MAF: variants seen among roughly 807,000 people sequenced by gnomAD.
MAF encodes the protein transcription factor Maf.
MAF carries 10 observed loss-of-function variants against 22.0 expected under a neutral mutation model. The ratio of observed to expected loss-of-function variants is 0.45; its 90% CI spans 0.28 to 0.77. MAF has a LOEUF of 0.77. Among genes scored for constraint, MAF ranks in the 30% least tolerant of loss-of-function variants. MAF has a pLI of 0.12. For missense variants in MAF, 544 were observed against 548.4 expected (o/e 0.99, Z 0.08); for synonymous variants, 337 against 255.8 (o/e 1.32, Z -3.03).
At chr16:79,448,106 G>C in the MAF span, among the ~76,000 whole-genome samples, 7 of 152,146 alleles carry the variant, frequency 4.6e-5, no homozygotes, top group African/African-American at 1.7e-4. Context: ...AGCAGCAGCA[G>C]CGTTTGAGAG....
the MAF span, among the ~76,000 whole-genome samples, chr16:79,523,984 G>T: frequency 1.3e-5 from 2 of 152,266 alleles, no homozygotes; most frequent in African/African-American, 4.8e-5. Flanking sequence ...TCATCGGCAT[G>T]AAATTACCCC....
At chr16:79,586,028 ACTAT>A (rs1912817171) in intron 1 of MAF, 10 of 594,002 alleles carry the variant, frequency 1.7e-5, no homozygotes, top group East Asian at 8.9e-5. Flanking sequence ...AGGCAGCCTA[ACTAT>A]CTATCAAAAG....
the MAF span, among the ~76,000 whole-genome samples, chr16:79,300,352 C>G: frequency 6.6e-6 from 1 of 152,042 alleles, no homozygotes; most frequent in African/African-American, 2.4e-5. Flanking sequence ...GTCAGGAGTT[C>G]GAGACCAGCC....
At chr16:79,568,084 G>A in the MAF span, among the ~76,000 whole-genome samples, 1 of 152,180 alleles carries the variant, frequency 6.6e-6, no homozygotes, top group Non-Finnish European at 1.5e-5. Flanking sequence ...CAGTAAAGAG[G>A]ACAATATGTT....
At chr16:79,526,504 G>A in the MAF span, among the ~76,000 whole-genome samples, 2 of 152,158 alleles carry the variant, frequency 1.3e-5, no homozygotes, top group Non-Finnish European at 2.9e-5. Flanking sequence ...GTGGCTGGGG[G>A]TTAGGGACCA....
chr16:79,253,796 C>A, the MAF span, among the ~76,000 whole-genome samples: 6 of 152,012 alleles, frequency 3.9e-5, no homozygotes, highest in African/African-American at 1.2e-4. Context: ...GGCTATCACA[C>A]CTCCTGTTCT....
At chr16:79,320,119 A>C in the MAF span, among the ~76,000 whole-genome samples, 2 of 152,164 alleles carry the variant, frequency 1.3e-5, no homozygotes, top group Non-Finnish European at 2.9e-5. Context: ...GTGGAGTATC[A>C]GGGAAGGCAG....
At chr16:79,568,815 C>A in the MAF span, among the ~76,000 whole-genome samples, 2 of 152,292 alleles carry the variant, frequency 1.3e-5, no homozygotes, top group East Asian at 3.9e-4. Flanking sequence ...AAACATCTAA[C>A]AGAAATGGCA....
At chr16:79,240,475 C>G in the MAF span, among the ~76,000 whole-genome samples, 5 of 102,688 alleles carry the variant, frequency 4.9e-5, no homozygotes, top group Admixed American at 4.5e-4. Context: ...CATTTGCCAA[C>G]AAGCATCTCT....
the MAF span, among the ~76,000 whole-genome samples, chr16:79,294,549 A>G: frequency 6.6e-6 from 1 of 152,196 alleles, no homozygotes; most frequent in Non-Finnish European, 1.5e-5. Flanking sequence ...TTGTTACCGT[A>G]TTGTAATCCC....
the MAF span, among the ~76,000 whole-genome samples, chr16:79,509,125 C>T: frequency 6.6e-6 from 1 of 152,332 alleles, no homozygotes; most frequent in African/African-American, 2.4e-5. Context: ...CCTGGACACA[C>T]GTAGGTTGCA....
chr16:79,329,705 C>G, the MAF span, among the ~76,000 whole-genome samples: 17 of 152,264 alleles, frequency 1.1e-4, no homozygotes, highest in East Asian at 2.9e-3. Flanking sequence ...TGTTCATCTT[C>G]TGTAAAGTGA....
At chr16:79,597,008 C>T (rs1452954122) in intron 1 of MAF, 1 of 1,053,976 alleles carries the variant, frequency 9.5e-7, no homozygotes, top group Non-Finnish European at 1.1e-6. Context: ...CAGATATAAA[C>T]AGGGGCGTTT....
the MAF span, among the ~76,000 whole-genome samples, chr16:79,576,571 G>T: frequency 6.6e-6 from 1 of 151,804 alleles, no homozygotes; most frequent in Non-Finnish European, 1.5e-5. Context: ...TCAGAGGAGG[G>T]CAGCTATAAA....
the MAF span, among the ~76,000 whole-genome samples, chr16:79,530,349 C>T: frequency 3.8e-3 from 581 of 152,268 alleles, 3 homozygotes; most frequent in African/African-American, 0.013. Context: ...TGTCCCAACA[C>T]ATCAGGGTCC....
At chr16:79,345,204 T>C in the MAF span, among the ~76,000 whole-genome samples, 10 of 136,568 alleles carry the variant, frequency 7.3e-5, no homozygotes, top group Non-Finnish European at 1.3e-4. Flanking sequence ...CAGTACATTA[T>C]ATATTACTTG....
the MAF span, among the ~76,000 whole-genome samples, chr16:79,567,778 G>C: frequency 6.6e-6 from 1 of 152,168 alleles, no homozygotes; most frequent in Non-Finnish European, 1.5e-5. Context: ...CCTATGTCTA[G>C]GGAGATGTGT....
At chr16:79,305,453 A>T in the MAF span, among the ~76,000 whole-genome samples, 1 of 151,846 alleles carries the variant, frequency 6.6e-6, no homozygotes, top group Non-Finnish European at 1.5e-5. Flanking sequence ...GCTTGTGGGG[A>T]GTGTGACTGA....
chr16:79,436,961 A>G, the MAF span, among the ~76,000 whole-genome samples: 2 of 152,206 alleles, frequency 1.3e-5, no homozygotes, highest in Non-Finnish European at 2.9e-5. Flanking sequence ...CTCCTTTGAA[A>G]GTGAGAGATC....
Sources: gnomAD v4.1 joint callset for allele counts (sites outside exome capture counted in the v4.1 genomes callset) on GRCh38, gnomAD v4.1.1 for gene constraint, MANE v1.5 for transcripts, NCBI Gene and HGNC (gene_info 2026-07-23, HGNC 2026-07-21) for gene names.